The following LRRC37A2 variants were observed in gnomAD, a reference collection of about 807,000 sequenced individuals.
The protein encoded by LRRC37A2 is leucine rich repeat containing 37 member A2.
LRRC37A2 carries 9 observed loss-of-function variants against 68.8 expected under a neutral mutation model. The ratio of observed to expected loss-of-function variants is 0.13; its 90% CI spans 0.08 to 0.23. LRRC37A2 has a LOEUF of 0.23. LRRC37A2 is among the 10% of genes least tolerant of loss of function. LRRC37A2 has a pLI of 1.00. For synonymous variants in LRRC37A2, 63 were observed against 367.6 expected (o/e 0.17, Z 9.48); for missense variants, 168 against 950.4 (o/e 0.18, Z 10.82).
At chr17:46,543,580 T>G (rs1335588413) in intron 8 of LRRC37A2, among the ~76,000 whole-genome samples, 2 of 150,852 alleles carry the variant, frequency 1.3e-5, no homozygotes, top group South Asian at 4.1e-4. Flanking sequence ...CCTTGGTTCT[T>G]AGGGGCTGCA....
At chr17:47,009,964 C>T in the LRRC37A2 span, among the ~76,000 whole-genome samples, 2 of 152,192 alleles carry the variant, frequency 1.3e-5, no homozygotes, top group African/African-American at 2.4e-5. Context: ...TGGCCTTCGC[C>T]GGGAGGGGAC....
chr17:46,793,903 G>A, the LRRC37A2 span, among the ~76,000 whole-genome samples: 2 of 152,106 alleles, frequency 1.3e-5, no homozygotes, highest in African/African-American at 2.4e-5. Flanking sequence ...CCATGCTATC[G>A]CTATTTTGCC....
chr17:46,773,123 A>G, the LRRC37A2 span, among the ~76,000 whole-genome samples: 1 of 152,060 alleles, frequency 6.6e-6, no homozygotes, highest in Non-Finnish European at 1.5e-5. Context: ...AGGCTGCAAG[A>G]CGGCCGGAAA....
chr17:47,038,468 A>T, the LRRC37A2 span, among the ~76,000 whole-genome samples: 1 of 151,838 alleles, frequency 6.6e-6, no homozygotes, highest in Non-Finnish European at 1.5e-5. Context: ...TTTTTTAGTT[A>T]TCCGAGTGTG....
chr17:46,488,675 A>G, the LRRC37A2 span, among the ~76,000 whole-genome samples: 1 of 138,862 alleles, frequency 7.2e-6, no homozygotes, highest in Non-Finnish European at 1.6e-5. Context: ...ACTGCACTCC[A>G]GCCTGGGTGA....
chr17:46,934,991 T>C, the LRRC37A2 span: 8 of 1,600,166 alleles, frequency 5.0e-6, no homozygotes, highest in Admixed American at 1.7e-5. Flanking sequence ...AACTGACTGA[T>C]AAGCAAAGTT....
chr17:46,717,086 A>G, the LRRC37A2 span, among the ~76,000 whole-genome samples: 1 of 152,230 alleles, frequency 6.6e-6, no homozygotes, highest in Non-Finnish European at 1.5e-5. Context: ...AATGGAATCA[A>G]CCTGAATGTC....
the LRRC37A2 span, chr17:46,711,000 T>G: frequency 2.0e-5 from 32 of 1,597,852 alleles, no homozygotes; most frequent in Non-Finnish European, 2.6e-5. Flanking sequence ...GCAAGTTACA[T>G]TATGAACGGT....
chr17:46,721,451 C>G, the LRRC37A2 span: 3 of 636,916 alleles, frequency 4.7e-6, no homozygotes, highest in Admixed American at 2.8e-5. Context: ...TCCCTCCTAA[C>G]TTTAAGACCC....
the LRRC37A2 span, among the ~76,000 whole-genome samples, chr17:46,951,395 A>G: frequency 6.6e-6 from 1 of 151,614 alleles, no homozygotes; most frequent in Admixed American, 6.6e-5. Context: ...AAAGATTCCC[A>G]CCCCAGCTTT....
the LRRC37A2 span, among the ~76,000 whole-genome samples, chr17:46,610,041 C>CTT: frequency 4.8e-3 from 567 of 118,668 alleles, 46 homozygotes; most frequent in Middle Eastern, 0.029. Context: ...CTCTCTCTCT[C>CTT]TCTTTCTTTC....
chr17:46,808,732 C>T, the LRRC37A2 span, among the ~76,000 whole-genome samples: 10 of 152,078 alleles, frequency 6.6e-5, no homozygotes, highest in Admixed American at 5.9e-4. Flanking sequence ...ACTTAAGCAT[C>T]GTGTGAACTG....
At chr17:46,869,873 C>T in the LRRC37A2 span, among the ~76,000 whole-genome samples, 2 of 152,048 alleles carry the variant, frequency 1.3e-5, no homozygotes, top group Non-Finnish European at 2.9e-5. Flanking sequence ...GTGGCGCACA[C>T]CTGTAGTCCC....
the LRRC37A2 span, among the ~76,000 whole-genome samples, chr17:46,383,170 A>G: frequency 6.6e-6 from 1 of 151,690 alleles, no homozygotes. Context: ...TGCTTACAGC[A>G]TTTGGTGCTG....
chr17:47,010,403 G>A, the LRRC37A2 span: 1 of 152,264 alleles, frequency 6.6e-6, no homozygotes, highest in Non-Finnish European at 1.5e-5. Flanking sequence ...CCCAAAGGTG[G>A]TGCTGTTCCC....
chr17:46,752,804 T>C, the LRRC37A2 span, among the ~76,000 whole-genome samples: 1 of 152,160 alleles, frequency 6.6e-6, no homozygotes, highest in Non-Finnish European at 1.5e-5. Context: ...AGTCTCGCTC[T>C]GTTGCCCAGG....
At chr17:46,602,712 T>G in the LRRC37A2 span, among the ~76,000 whole-genome samples, 1 of 145,118 alleles carries the variant, frequency 6.9e-6, no homozygotes, top group African/African-American at 2.7e-5. Flanking sequence ...ATTCTGAGTC[T>G]TCCAATGAAC....
chr17:46,751,722 A>T, the LRRC37A2 span: 1 of 599,134 alleles, frequency 1.7e-6, no homozygotes, highest in East Asian at 3.0e-5. Flanking sequence ...TTAAGTTTTG[A>T]TTTTCTTATA....
chr17:46,951,014 C>T, the LRRC37A2 span, among the ~76,000 whole-genome samples: 130 of 152,298 alleles, frequency 8.5e-4, no homozygotes, highest in Non-Finnish European at 5.4e-4. Context: ...CTGTGGCCCT[C>T]GCCCCAACTA....
Sources: allele counts gnomAD v4.1 joint callset (sites outside exome capture counted in the v4.1 genomes callset), GRCh38; gene constraint gnomAD v4.1.1; transcripts MANE v1.5; gene names NCBI Gene and HGNC (gene_info 2026-07-23, HGNC 2026-07-21).